Variants in PRKAR1B observed in about 807,000 individuals in gnomAD.
PRKAR1B encodes the protein cAMP-dependent protein kinase type I-beta regulatory subunit.
A neutral mutation model predicts 46.5 loss-of-function variants in PRKAR1B; 22 were observed. The ratio of observed to expected loss-of-function variants is 0.47; its 90% CI spans 0.34 to 0.68. The LOEUF (loss-of-function observed/expected upper bound fraction) is 0.68. Among genes scored for constraint, PRKAR1B ranks in the 30% least tolerant of loss-of-function variants. PRKAR1B has a pLI of 0.01. For synonymous variants in PRKAR1B, 259 were observed against 217.7 expected, an observed-to-expected ratio of 1.19 and a Z score of -1.67; for missense variants, 445 against 535.6, an observed-to-expected ratio of 0.83 and a Z score of 1.67.
At chr7:715,933 T>C (rs1378930216) in intron 1 of PRKAR1B, among the ~76,000 whole-genome samples, 8 of 152,284 alleles carry the variant, frequency 5.3e-5, no homozygotes, top group African/African-American at 1.2e-4. Context: ...GCCAGGATGG[T>C]CTCGGTCTCC....
At chr7:553,148 C>A (rs1261784286) in intron 9 of PRKAR1B, among the ~76,000 whole-genome samples, 3 of 152,134 alleles carry the variant, frequency 2.0e-5, no homozygotes, top group African/African-American at 7.2e-5. Context: ...GTGTCACTGT[C>A]CCCCCTGAGA....
chr7:698,416 G>A (rs1343270302), intron 2 of PRKAR1B, among the ~76,000 whole-genome samples: 2 of 152,124 alleles, frequency 1.3e-5, no homozygotes, highest in Non-Finnish European at 2.9e-5. Context: ...GCACATCTAG[G>A]AAAGTACGTG....
intron 6 of PRKAR1B, among the ~76,000 whole-genome samples, 196 bp from the exon 7 acceptor site, chr7:596,500 G>A (rs1781272556): frequency 6.6e-6 from 1 of 152,182 alleles, no homozygotes. Flanking sequence ...CCCACCCCCA[G>A]CCCTGCTGAG....
intron 4 of PRKAR1B, among the ~76,000 whole-genome samples, chr7:624,782 C>T (rs1783295862): frequency 6.6e-6 from 1 of 152,276 alleles, no homozygotes; most frequent in East Asian, 1.9e-4. Flanking sequence ...GACTTTAACG[C>T]CCCTCAGCTA....
At chr7:638,373 A>G (rs545758166) in intron 4 of PRKAR1B, among the ~76,000 whole-genome samples, 2 of 152,248 alleles carry the variant, frequency 1.3e-5, no homozygotes, top group East Asian at 3.9e-4. Context: ...GAGCTCCCCC[A>G]GCTCCCTTCA....
chr7:582,165 G>A (rs1167925125), intron 8 of PRKAR1B, among the ~76,000 whole-genome samples: 1 of 123,474 alleles, frequency 8.1e-6, no homozygotes, highest in Admixed American at 7.5e-5. Context: ...ACCTGCCCAG[G>A]GGGGAACCCA....
intron 4 of PRKAR1B, among the ~76,000 whole-genome samples, chr7:617,119 G>A (rs757641892): frequency 6.7e-6 from 1 of 148,304 alleles, no homozygotes; most frequent in Non-Finnish European, 1.5e-5. Context: ...TCAGCCTCCC[G>A]AGTAGCTGGG....
chr7:719,257 C>G (rs1048237375), intron 1 of PRKAR1B, among the ~76,000 whole-genome samples: 4 of 152,124 alleles, frequency 2.6e-5, no homozygotes, highest in African/African-American at 7.2e-5. Context: ...CCAGGCTGGT[C>G]TCAAACTCCT....
intron 4 of PRKAR1B, among the ~76,000 whole-genome samples, chr7:632,215 A>G (rs1309192797): frequency 2.0e-5 from 3 of 152,152 alleles, no homozygotes; most frequent in Non-Finnish European, 4.4e-5. Flanking sequence ...CTCATTAAAA[A>G]TCATTCCTTT....
chr7:711,620 G>A, intron 1 of PRKAR1B, 93 bp from the exon 2 acceptor site: 1 of 1,137,982 alleles, frequency 8.8e-7, no homozygotes. Flanking sequence ...CTTCTCCCAG[G>A]AGCGTGGAAG....
chr7:670,622 C>T (rs1248896399), intron 4 of PRKAR1B, among the ~76,000 whole-genome samples: 1 of 150,400 alleles, frequency 6.6e-6, no homozygotes, highest in African/African-American at 2.5e-5. Flanking sequence ...GGCTCAGGAC[C>T]GAGGACGGCC....
chr7:719,330 G>A (rs547190707), intron 1 of PRKAR1B, among the ~76,000 whole-genome samples: 2 of 152,160 alleles, frequency 1.3e-5, no homozygotes, highest in South Asian at 4.2e-4. Flanking sequence ...ATGAGCCATT[G>A]TGCCCGGCCA....
At chr7:579,485 C>T (rs1780059602) in intron 8 of PRKAR1B, 108 bp from the exon 9 acceptor site, 1 of 1,390,392 alleles carries the variant, frequency 7.2e-7, no homozygotes, top group African/African-American at 1.4e-5. Context: ...GAAGCAATCA[C>T]AACACCAGCT....
intron 4 of PRKAR1B, among the ~76,000 whole-genome samples, chr7:637,896 T>C (rs1784205697): frequency 6.6e-6 from 1 of 151,100 alleles, no homozygotes; most frequent in African/African-American, 2.5e-5. Context: ...GCACAGAGCT[T>C]GTGTTGGACA....
Position 663,035 on chromosome 7 carries a change from A to G in PRKAR1B, c.440+14194T>C, listed in dbSNP as rs377107475. ...AGAGTCCTGAAAGAGGCCCCAAGAC[A>G]CTCAGGAACTTAGTCCCCCCTCTTC... On this transcript the variant is annotated intron_variant, in intron 4 of 10. Transcript: ENST00000537384. Among the ~76,000 whole-genome samples the G allele has an allele frequency of 2.6e-5, 4 of 152,022 alleles. No homozygotes were observed. The South Asian group carries it at 8.3e-4, about 32-fold the overall frequency.
chr7:658,781 G>C (rs1199675039), intron 4 of PRKAR1B, among the ~76,000 whole-genome samples: 2 of 152,052 alleles, frequency 1.3e-5, no homozygotes, highest in Non-Finnish European at 2.9e-5. Flanking sequence ...CTCCTGAGTA[G>C]CTGGGACTAC....
intron 2 of PRKAR1B, among the ~76,000 whole-genome samples, chr7:702,946 A>C (rs1287580751): frequency 2.0e-5 from 3 of 152,004 alleles, no homozygotes; most frequent in African/African-American, 7.2e-5. Flanking sequence ...CTTTTTAAAA[A>C]GTGGATAATC....
intron 9 of PRKAR1B, among the ~76,000 whole-genome samples, chr7:577,665 A>G (rs955601322): frequency 2.0e-5 from 3 of 152,106 alleles, no homozygotes; most frequent in African/African-American, 7.2e-5. Flanking sequence ...CAGTTCCTGC[A>G]GCATGAATCC....
intron 2 of PRKAR1B, among the ~76,000 whole-genome samples, chr7:708,786 C>T (rs982383220): frequency 6.7e-6 from 1 of 150,090 alleles, no homozygotes; most frequent in Non-Finnish European, 1.5e-5. Flanking sequence ...TGTGCCCGGC[C>T]CCAATTTTTT....
Sources: allele counts gnomAD v4.1 joint callset (sites outside exome capture counted in the v4.1 genomes callset), GRCh38; gene constraint gnomAD v4.1.1; transcripts MANE v1.5; gene names NCBI Gene and HGNC (gene_info 2026-07-23, HGNC 2026-07-21).